Variants in NPAS2 observed in about 807,000 individuals in gnomAD.
NPAS2 encodes the protein neuronal PAS domain protein 2, also known as neuronal PAS domain-containing protein 2.
In NPAS2, 23 loss-of-function variants were observed where a neutral mutation model predicts 107.5. The observed-to-expected ratio is 0.21, with a 90% CI of 0.15 to 0.30. NPAS2 has a LOEUF of 0.30. Ranked by LOEUF, NPAS2 falls within the 10% of genes least tolerant of loss-of-function variation. NPAS2 has a pLI of 1.00. For synonymous variants in NPAS2, 403 were observed against 417.5 expected (o/e 0.97, Z 0.42); for missense variants, 756 against 1,043.3 (o/e 0.72, Z 3.79).
chr2:100,859,203 C>T (rs1401592016), intron 1 of NPAS2, among the ~76,000 whole-genome samples: 1 of 152,174 alleles, frequency 6.6e-6, no homozygotes. Context: ...GCGGAGGTTG[C>T]AGTGAGCCGA....
At chr2:100,909,248 A>G (rs1682368399) in intron 2 of NPAS2, among the ~76,000 whole-genome samples, 1 of 152,242 alleles carries the variant, frequency 6.6e-6, no homozygotes, top group South Asian at 2.1e-4. Flanking sequence ...GAGCGCTTTC[A>G]GGCAAGTTAG....
chr2:100,866,500 C>T (rs540995986), intron 1 of NPAS2, among the ~76,000 whole-genome samples: 4 of 152,180 alleles, frequency 2.6e-5, no homozygotes, highest in African/African-American at 4.8e-5. Context: ...AAAAAAGCAA[C>T]GCAGATGTTG....
At chr2:100,879,272 T>A (rs1044183848) in intron 1 of NPAS2, among the ~76,000 whole-genome samples, 1 of 152,206 alleles carries the variant, frequency 6.6e-6, no homozygotes, top group Non-Finnish European at 1.5e-5. Context: ...TTACGGGATA[T>A]GTATAGACAG....
intron 1 of NPAS2, among the ~76,000 whole-genome samples, chr2:100,890,656 C>T (rs1296561456): frequency 1.3e-5 from 2 of 152,016 alleles, no homozygotes; most frequent in East Asian, 3.9e-4. Context: ...CCAGGCTCAG[C>T]TGAATTGCAT....
chr2:100,947,892 G>A (rs182383125), intron 5 of NPAS2, among the ~76,000 whole-genome samples: 187 of 152,330 alleles, frequency 1.2e-3, no homozygotes, highest in African/African-American at 4.4e-3. Context: ...CGCACTGGGC[G>A]TGCACAGGGG....
In NPAS2 at chr2:100,821,144, C is replaced by A. The variant is rs1464559772; in HGVS notation, c.-23+730C>A. On this transcript the variant is annotated intron_variant, in intron 1 of 20. Coordinates refer to ENST00000335681, the MANE Select transcript of NPAS2 (RefSeq NM_002518.4). ...AACCAGGGAAGGGACAGGCACCACCCGGCTAAATTCAGAACCAGTCCCGCT... is the reference window on the plus strand; with the variant it reads ...AACCAGGGAAGGGACAGGCACCACCAGGCTAAATTCAGAACCAGTCCCGCT... 3.8e-6 allele frequency: 5 copies of A among 1,304,604 alleles called. No homozygotes were observed. The African/African-American group carries it at 7.6e-5, about 20-fold the overall frequency. The allele number at this position is 1,304,604 out of a possible 1,614,324, so 80.8% of individuals were successfully genotyped here.
intron 1 of NPAS2, among the ~76,000 whole-genome samples, chr2:100,904,510 A>AT (rs5832941): frequency 0.88 from 134,558 of 152,172 alleles, 60,410 homozygotes; most frequent in African/African-American, 0.97. Context: ...GCCCAATGAA[A>AT]GAGTGCCTGT....
Position 100,968,195 on chromosome 2 carries a change from A to G in NPAS2, c.908-86A>G. 1 of 1,420,492 alleles carries G rather than the reference A, an allele frequency of 7.0e-7. No individual in the cohort carries two copies. Among genetic ancestry groups the G allele is most frequent in the Non-Finnish European group, 9.7e-7 (1 of 1,030,074 alleles). The allele number at this position is 1,420,492 out of a possible 1,614,324, so 88.0% of individuals were successfully genotyped here. On this transcript the variant is annotated intron_variant, in intron 10 of 20. Coordinates refer to ENST00000335681, the MANE Select transcript of NPAS2 (RefSeq NM_002518.4). This position sits in a 1 kb window ranked among gnomAD's most constrained non-coding sequence, Gnocchi z 5.3. ...ATGTTTGGTATTGTCTTTTTTTTTG[A>G]AAGCTTATCTTTACAATAACTCTTG...
chr2:100,835,417 G>A (rs138401221), intron 1 of NPAS2, among the ~76,000 whole-genome samples: 4 of 152,280 alleles, frequency 2.6e-5, no homozygotes, highest in African/African-American at 9.6e-5. Context: ...ACTGTGCGGC[G>A]GCTGGGTGCA....
intron 4 of NPAS2, among the ~76,000 whole-genome samples, chr2:100,934,550 A>G (rs1040827832): frequency 1.3e-5 from 2 of 152,174 alleles, no homozygotes; most frequent in Non-Finnish European, 2.9e-5. Flanking sequence ...AATGAATTGG[A>G]TCTGAAATTA....
At chr2:100,993,023 G>A (rs746347076) in intron 19 of NPAS2, among the ~76,000 whole-genome samples, 9 of 151,130 alleles carry the variant, frequency 6.0e-5, no homozygotes, top group East Asian at 2.0e-4. Context: ...TCCACCTCCC[G>A]GGTTCAAGCT....
intron 19 of NPAS2, among the ~76,000 whole-genome samples, chr2:100,991,430 T>G (rs1678125484): frequency 6.6e-6 from 1 of 152,234 alleles, no homozygotes; most frequent in Non-Finnish European, 1.5e-5. Context: ...GAAAACAGTT[T>G]CTAGCCCTTG....
intron 1 of NPAS2, among the ~76,000 whole-genome samples, chr2:100,839,418 C>T (rs988979763): frequency 3.9e-5 from 6 of 152,064 alleles, no homozygotes; most frequent in African/African-American, 9.7e-5. Flanking sequence ...TGTGAGCCAC[C>T]GCGCCTGGCC....
At chr2:100,933,317 A>G (rs903270636) in intron 4 of NPAS2, among the ~76,000 whole-genome samples, 1 of 152,224 alleles carries the variant, frequency 6.6e-6, no homozygotes, top group African/African-American at 2.4e-5. Context: ...GAGGAGAAGG[A>G]CAGAGGGAAG....
intron 7 of NPAS2, among the ~76,000 whole-genome samples, chr2:100,954,068 C>A (rs12612424): frequency 0.18 from 26,971 of 151,994 alleles, 2,817 homozygotes; most frequent in East Asian, 0.39. Context: ...CCTTTATTGT[C>A]GATTCCAAGA....
rs79553243 is a variant in NPAS2, at chr2:100,856,027, T to C, written c.-23+35613T>C. 3.1e-3 allele frequency among the ~76,000 whole-genome samples: 468 copies of C among 152,230 alleles called. 6 individuals are homozygous for C. Among genetic ancestry groups the C allele is most frequent in the African/African-American group, 0.01 (431 of 41,526 alleles). On this transcript the variant is annotated intron_variant, in intron 1 of 20. Transcript: ENST00000335681. The stretch of plus-strand genomic sequence containing the variant: ...CTCCAAACACATTCTACTTATCACA[T>C]CTTCCAGTAATACATTTTGATTAGA...
At chr2:100,974,002 C>T (rs2105220420) in intron 12 of NPAS2, among the ~76,000 whole-genome samples, 1 of 152,270 alleles carries the variant, frequency 6.6e-6, no homozygotes, top group Middle Eastern at 3.4e-3. Flanking sequence ...CCACCACGTC[C>T]AGCTAATTTT....
At position 100,982,036 on chromosome 2, in the gene NPAS2, G is replaced by A. The variant is rs898797442; in HGVS notation, c.1483-195G>A. 2.6e-5 allele frequency among the ~76,000 whole-genome samples: 4 copies of A among 152,214 alleles called. No homozygotes were observed. The South Asian group carries it at 8.3e-4, about 31-fold the overall frequency. ...AGCCAGCCTGAGAAAGACTGGTGCA[G>A]GGGCCCCCAGGATGCCCAGACCTCA... On this transcript the variant is annotated intron_variant, in intron 15 of 20. Coordinates refer to ENST00000335681, the MANE Select transcript of NPAS2 (RefSeq NM_002518.4).
At chr2:100,901,443 C>T (rs536007360) in intron 1 of NPAS2, 148 of 827,056 alleles carry the variant, frequency 1.8e-4, no homozygotes, top group East Asian at 2.5e-4. Flanking sequence ...AAAAAGACTC[C>T]GGAGAGTTTG....
Sources: allele counts gnomAD v4.1 joint callset (sites outside exome capture counted in the v4.1 genomes callset), GRCh38; gene constraint gnomAD v4.1.1; non-coding constraint Gnocchi (gnomAD v3.1); transcripts MANE v1.5; gene names NCBI Gene and HGNC (gene_info 2026-07-23, HGNC 2026-07-21).